TTLL7: variants seen among roughly 807,000 people sequenced by gnomAD.
The protein encoded by TTLL7 is tubulin tyrosine ligase like 7, also known as tubulin polyglutamylase TTLL7.
Under a neutral mutation model 120.2 loss-of-function variants are expected in TTLL7, and 53 were observed. That is an observed-to-expected ratio of 0.44 (90% CI 0.35 to 0.55). TTLL7 has a LOEUF of 0.55. Ranked by LOEUF, TTLL7 falls within the 20% of genes least tolerant of loss-of-function variation. The pLI, the probability that TTLL7 is intolerant of heterozygous loss-of-function variation, is 0.00. For synonymous variants in TTLL7, 353 were observed against 351.7 expected, an observed-to-expected ratio of 1.00 and a Z score of -0.04; for missense variants, 803 against 1,054.7, an observed-to-expected ratio of 0.76 and a Z score of 3.31.
chr1:83,951,902 T>C lies in TTLL7; in HGVS notation c.100A>G (p.Lys34Glu), dbSNP rs41293013. Residue 34 changes from lysine (K) to glutamate (E), a missense_variant, in exon 3 of 21, where the codon AAG (lysine) becomes GAG (glutamate). Lys to Glu is a moderately conservative substitution (Grantham distance 56). Around this residue, in one of 3 missense-constraint regions of TTLL7, gnomAD observed 91 missense variants for 96.6 expected, o/e 0.94. Transcript: ENST00000260505. Reference sequence around the variant, plus strand: ...GTAATGGTTCCCTTCTTTTTCTTCTTTCTGACTTTCCTTTTCATTGTGCTT... The same window carrying C: ...GTAATGGTTCCCTTCTTTTTCTTCTCTCTGACTTTCCTTTTCATTGTGCTT... ...YQSTMKRKVR[K>E]KKKKGTITAN... 0.011 allele frequency: 16,993 copies of C among 1,613,650 alleles called. 105 individuals carry two copies. Among genetic ancestry groups the C allele is most frequent in the Non-Finnish European group, 0.013 (15,539 of 1,179,802 alleles).
intron 16 of TTLL7, among the ~76,000 whole-genome samples, chr1:83,907,193 T>C (rs1657263020): frequency 6.6e-6 from 1 of 152,112 alleles, no homozygotes; most frequent in Admixed American, 6.6e-5. Context: ...TTCAGTAATA[T>C]TATCCTACTA....
intron 1 of TTLL7, among the ~76,000 whole-genome samples, chr1:83,958,951 C>G (rs2100878628): frequency 6.6e-6 from 1 of 152,194 alleles, no homozygotes; most frequent in East Asian, 1.9e-4. Context: ...CTCTGGATGA[C>G]CACAATGTTT....
chr1:83,964,245 G>A (rs1432503580), intron 1 of TTLL7, among the ~76,000 whole-genome samples: 2 of 152,032 alleles, frequency 1.3e-5, no homozygotes, highest in Non-Finnish European at 2.9e-5. Context: ...CACAATCTTT[G>A]CCATGAAACC....
chr1:83,933,623 C>T lies in TTLL7; in HGVS notation c.1032G>A (p.Lys344=). Residue 344 remains lysine (K), a synonymous_variant, in exon 9 of 21, where the codon AAG becomes AAA. Transcript: ENST00000260505. ...AATGCCTTACCTCCAGAAGCCATGGCTTTAGTTTTCTATCCAACAAAATAT... is the reference window on the plus strand; with the variant it reads ...AATGCCTTACCTCCAGAAGCCATGGTTTTAGTTTTCTATCCAACAAAATAT... ...GFDILLDRKL[K]PWLLEINRAP... 1 of 1,613,054 alleles carries T rather than the reference C, an allele frequency of 6.2e-7. No individual in the cohort carries two copies. Among genetic ancestry groups the T allele is most frequent in the Non-Finnish European group, 8.5e-7 (1 of 1,179,492 alleles).
intron 10 of TTLL7, 102 bp downstream of exon 10, chr1:83,929,034 T>C: frequency 2.1e-6 from 1 of 477,446 alleles, no homozygotes; most frequent in Non-Finnish European, 3.5e-6. Flanking sequence ...TTATAAAATA[T>C]AAAAATAAAT....
intron 4 of TTLL7, chr1:83,949,378 G>A (rs1648820963): frequency 6.6e-6 from 1 of 152,246 alleles, no homozygotes; most frequent in Admixed American, 6.6e-5. Context: ...CCAAGCTGTA[G>A]TGCAGTGGCC....
At chr1:83,890,621 T>C in intron 18 of TTLL7, 140 bp from the exon 19 acceptor site, 1 of 593,912 alleles carries the variant, frequency 1.7e-6, no homozygotes, top group Non-Finnish European at 2.7e-6. Context: ...GTTTTAAAAA[T>C]TAGCCTGGCA....
At position 83,883,015 on chromosome 1, in the gene TTLL7, T is replaced by C. The variant is rs775833669; in HGVS notation, c.2491A>G (p.Thr831Ala). ...CCTGAAAGTGATCCTCTTTTGTCAG[T>C]TGCATATTTGTAAACCACTAGCAGG... is the stretch of plus-strand genomic sequence containing the variant. ...QCLLVVYKYA[T>A]DKRGSLSGIG... The change falls in exon 20 of 21, where the codon ACT becomes GCT. Residue 831 changes from threonine (T) to alanine (A), a missense_variant. Physicochemically the swap from Thr to Ala is moderately conservative, Grantham distance 58. Coordinates refer to ENST00000260505, the MANE Select transcript of TTLL7 (RefSeq NM_024686.6). 5 of 1,612,704 alleles carry C rather than the reference T, an allele frequency of 3.1e-6. No individual in the cohort carries two copies. Among genetic ancestry groups the C allele is most frequent in the South Asian group, 1.1e-5 (1 of 90,964 alleles).
At chr1:83,901,101 T>C (rs1200797031) in intron 18 of TTLL7, among the ~76,000 whole-genome samples, 6 of 151,948 alleles carry the variant, frequency 3.9e-5, no homozygotes, top group Non-Finnish European at 8.8e-5. Context: ...TCACTAGTGT[T>C]ACTTGTCATT....
At chr1:83,989,028 T>C (rs12140964) in intron 1 of TTLL7, among the ~76,000 whole-genome samples, 1 of 151,334 alleles carries the variant, frequency 6.6e-6, no homozygotes, top group African/African-American at 2.4e-5. Context: ...CTTTTAATGG[T>C]GTTGTTTTTT....
chr1:83,902,294 C>T (rs1215423787), intron 18 of TTLL7: 1 of 151,944 alleles, frequency 6.6e-6, no homozygotes, highest in Non-Finnish European at 1.5e-5. Flanking sequence ...CCATCTACCA[C>T]CACCACATTT....
chr1:83,917,487 G>A (rs1658289381), intron 14 of TTLL7, 117 bp downstream of exon 14: 4 of 690,902 alleles, frequency 5.8e-6, no homozygotes, highest in South Asian at 2.1e-5. Flanking sequence ...ACCTGCACTG[G>A]GCACACAGTC....
intron 20 of TTLL7, among the ~76,000 whole-genome samples, chr1:83,876,814 TAG>T (rs997534586): frequency 1.2e-4 from 18 of 152,164 alleles, no homozygotes; most frequent in African/African-American, 4.3e-4. Flanking sequence ...TAATTTATCA[TAG>T]ATTTATTTAC....
At chr1:83,891,813 G>A (rs893795562) in intron 18 of TTLL7, among the ~76,000 whole-genome samples, 5 of 130,376 alleles carry the variant, frequency 3.8e-5, no homozygotes, top group African/African-American at 1.5e-4. Flanking sequence ...ATGTACTAGA[G>A]ACTATATATA....
chr1:83,939,802 T>C (rs1352656501), intron 7 of TTLL7, among the ~76,000 whole-genome samples: 1 of 152,146 alleles, frequency 6.6e-6, no homozygotes, highest in Non-Finnish European at 1.5e-5. Context: ...TACAGCTCAA[T>C]ATAAAATACA....
chr1:83,872,118 G>T (rs921683533), intron 20 of TTLL7, among the ~76,000 whole-genome samples: 3 of 152,126 alleles, frequency 2.0e-5, no homozygotes, highest in Admixed American at 1.3e-4. Context: ...GCAGCATTCA[G>T]ATTAAAATAG....
At chr1:83,963,040 A>G (rs1265066680) in intron 1 of TTLL7, among the ~76,000 whole-genome samples, 1 of 152,174 alleles carries the variant, frequency 6.6e-6, no homozygotes, top group Non-Finnish European at 1.5e-5. Flanking sequence ...TTGGACATTT[A>G]TCATTTTTGC....
chr1:83,878,297 T>C (rs1654118836), intron 20 of TTLL7, among the ~76,000 whole-genome samples: 1 of 151,980 alleles, frequency 6.6e-6, no homozygotes, highest in Admixed American at 6.6e-5. Context: ...CTTCTATATA[T>C]GACAGTTAAG....
chr1:83,945,610 G>A (rs1007681434), intron 6 of TTLL7, among the ~76,000 whole-genome samples: 5 of 152,108 alleles, frequency 3.3e-5, no homozygotes, highest in African/African-American at 7.2e-5. Flanking sequence ...TGTTCTTTAC[G>A]TAGGTACTAC....
Sources: gnomAD v4.1 joint callset for allele counts (sites outside exome capture counted in the v4.1 genomes callset) on GRCh38, gnomAD v4.1.1 for gene constraint, gnomAD v4.1.1 regional missense constraint, MANE v1.5 for transcripts, NCBI Gene and HGNC (gene_info 2026-07-23, HGNC 2026-07-21) for gene names.